KCNU1: variants seen among roughly 807,000 people sequenced by gnomAD.
KCNU1 encodes the protein potassium calcium-activated channel subfamily U member 1, also known as potassium channel subfamily U member 1.
A neutral mutation model predicts 126.8 loss-of-function variants in KCNU1; 93 were observed. The observed-to-expected ratio is 0.73, with a 90% CI of 0.62 to 0.87. The LOEUF (loss-of-function observed/expected upper bound fraction) is 0.87, where lower values mean the gene tolerates loss of function less well. Ranked by LOEUF, KCNU1 falls within the 40% of genes least tolerant of loss-of-function variation. The pLI is 0.00. For missense variants in KCNU1, 1,330 were observed against 1,367.1 expected (o/e 0.97, Z 0.43); for synonymous variants, 523 against 494.2 (o/e 1.06, Z -0.77).
intron 18 of KCNU1, among the ~76,000 whole-genome samples, chr8:36,861,399 C>G (rs1464089483): frequency 6.6e-6 from 1 of 152,126 alleles, no homozygotes; most frequent in Admixed American, 6.5e-5. Flanking sequence ...CTTGGTCTCC[C>G]TGGCTCTGGT....
intron 7 of KCNU1, among the ~76,000 whole-genome samples, chr8:36,809,294 A>C (rs1803622125): frequency 6.6e-6 from 1 of 152,142 alleles, no homozygotes; most frequent in Non-Finnish European, 1.5e-5. Context: ...CCACATAATG[A>C]GAAATCTAGG....
intron 14 of KCNU1, among the ~76,000 whole-genome samples, chr8:36,837,938 A>G (rs1804814533): frequency 6.6e-6 from 1 of 152,076 alleles, no homozygotes; most frequent in African/African-American, 2.4e-5. Flanking sequence ...GTTCAGTACA[A>G]ATATTTGCAT....
At chr8:36,892,272 G>A (rs927927570) in intron 19 of KCNU1, among the ~76,000 whole-genome samples, 4 of 151,942 alleles carry the variant, frequency 2.6e-5, no homozygotes, top group Non-Finnish European at 5.9e-5. Flanking sequence ...TTTCTTTTCA[G>A]TTATTGTACT....
chr8:36,834,760 G>A, intron 11 of KCNU1, 26 bp from the exon 12 acceptor site: 5 of 1,484,410 alleles, frequency 3.4e-6, no homozygotes, highest in Non-Finnish European at 4.7e-6. Flanking sequence ...TTAACAAGAT[G>A]GCTCCTGTCC....
At chr8:36,868,374 T>C (rs1402977303) in intron 19 of KCNU1, among the ~76,000 whole-genome samples, 1 of 152,116 alleles carries the variant, frequency 6.6e-6, no homozygotes, top group African/African-American at 2.4e-5. Context: ...GTAGGCATTT[T>C]TGGAAAAAAA....
At chr8:36,814,803 G>A (rs1286328501) in intron 8 of KCNU1, among the ~76,000 whole-genome samples, 1 of 152,108 alleles carries the variant, frequency 6.6e-6, no homozygotes, top group Non-Finnish European at 1.5e-5. Context: ...GAACATCTGT[G>A]CCTGGCTTAC....
At chr8:36,851,758 G>T (rs1280905784) in intron 18 of KCNU1, among the ~76,000 whole-genome samples, 1 of 151,882 alleles carries the variant, frequency 6.6e-6, no homozygotes, top group Non-Finnish European at 1.5e-5. Flanking sequence ...TTTTTAGATG[G>T]TTCATTTGTA....
intron 19 of KCNU1, among the ~76,000 whole-genome samples, chr8:36,890,294 TAATAGTAA>T (rs1309119809): frequency 6.6e-6 from 1 of 152,040 alleles, no homozygotes; most frequent in Non-Finnish European, 1.5e-5. Flanking sequence ...TTTAAGGTAT[TAATAGTAA>T]AATTGTATGA....
intron 14 of KCNU1, among the ~76,000 whole-genome samples, chr8:36,837,633 C>T (rs1804799713): frequency 6.6e-6 from 1 of 152,192 alleles, no homozygotes; most frequent in Non-Finnish European, 1.5e-5. Context: ...TATTTCCACA[C>T]AATGTCTCAC....
At chr8:36,803,037 T>C (rs1803368454) in intron 2 of KCNU1, among the ~76,000 whole-genome samples, 1 of 152,182 alleles carries the variant, frequency 6.6e-6, no homozygotes, top group Non-Finnish European at 1.5e-5. Context: ...GTGAGCATCA[T>C]GATCTAACAC....
chr8:36,911,086 G>C lies in KCNU1; in HGVS notation c.2488G>C (p.Asp830His), dbSNP rs1807854838. 1.2e-6 allele frequency: 2 copies of C among 1,613,434 alleles called. No homozygotes were observed. The highest frequency in any genetic ancestry group is 1.7e-6 in the Non-Finnish European group (2 of 1,179,702). The part of the protein sequence containing the change: ...ATLTIGSLQI[D>H]SSSDPSPSVS... ...CCTCACCATCGGATCCTTGCAAATT[G>C]ACTCCTCCTCTGACCCGTCACCCTC... Residue 830 changes from aspartate (D) to histidine (H), a missense_variant, in exon 22 of 27, where the codon GAC becomes CAC. Asp to His is a moderately conservative substitution (Grantham distance 81, BLOSUM62 -1). Transcript: ENST00000399881.
intron 16 of KCNU1, among the ~76,000 whole-genome samples, chr8:36,841,822 C>T (rs1428475838): frequency 1.3e-5 from 2 of 151,956 alleles, no homozygotes; most frequent in Admixed American, 6.6e-5. Context: ...ATCAGCATTT[C>T]CCAAAAACCC....
In KCNU1 at chr8:36,934,899, T is replaced by C. The variant is rs572503933; in HGVS notation, c.3045-616T>C. 1.5e-4 allele frequency among the ~76,000 whole-genome samples: 23 copies of C among 152,280 alleles called. 3 individuals are homozygous for C. In the South Asian group the frequency reaches 4.1e-3, roughly 27 times the overall value. ...GTTCTGGATATTCTTTAGGGTTCAT[T>C]AACGTTCACTATTTGCTTGCCAGTC... is the stretch of plus-strand genomic sequence containing the variant. On this transcript the variant is annotated intron_variant, in intron 26 of 26. Coordinates refer to ENST00000399881, the MANE Select transcript of KCNU1 (RefSeq NM_001031836.3).
intron 18 of KCNU1, among the ~76,000 whole-genome samples, 193 bp downstream of exon 18, chr8:36,846,092 G>T (rs1365659919): frequency 6.6e-6 from 1 of 152,190 alleles, no homozygotes; most frequent in East Asian, 1.9e-4. Context: ...ACTAGTTATC[G>T]AATTCAGTTC....
intron 18 of KCNU1, among the ~76,000 whole-genome samples, chr8:36,857,383 G>A (rs1805564144): frequency 6.6e-6 from 1 of 152,262 alleles, no homozygotes; most frequent in South Asian, 2.1e-4. Flanking sequence ...AAATACTGAG[G>A]CTGTGTCCCT....
chr8:36,888,878 T>C (rs1240337940), intron 19 of KCNU1: 1 of 432,550 alleles, frequency 2.3e-6, no homozygotes. Flanking sequence ...AACTACTAGT[T>C]CCATTTTTTT....
rs558007419 is a variant in KCNU1, at chr8:36,929,519, T to TA, written c.2737-1426dup. On this transcript the variant is annotated intron_variant, in intron 24 of 26. Coordinates refer to ENST00000399881, the MANE Select transcript of KCNU1 (RefSeq NM_001031836.3). ...TGTGTTTCATACAAGCAACTAACTG[T>TA]AAAAAACTGTAAAATATAGAAGAAT... Among the ~76,000 whole-genome samples, 28 of 151,620 alleles carry TA rather than the reference T, an allele frequency of 1.8e-4. No individual in the cohort carries two copies. The East Asian group carries it at 5.4e-3, about 29-fold the overall frequency.
At chr8:36,871,912 G>GGTCATATATAAAA (rs1402731537) in intron 19 of KCNU1, among the ~76,000 whole-genome samples, 1 of 151,874 alleles carries the variant, frequency 6.6e-6, no homozygotes, top group East Asian at 1.9e-4. Context: ...GTCTGTTTAG[G>GGTCATATATAAAA]GTCATATATA....
At chr8:36,898,685 A>G (rs1023284519) in intron 19 of KCNU1, among the ~76,000 whole-genome samples, 1 of 152,128 alleles carries the variant, frequency 6.6e-6, no homozygotes, top group Non-Finnish European at 1.5e-5. Context: ...CTTGTCCAAT[A>G]CACAAAGAAA....
Sources: gnomAD v4.1 joint callset for allele counts (sites outside exome capture counted in the v4.1 genomes callset) on GRCh38, gnomAD v4.1.1 for gene constraint, MANE v1.5 for transcripts, NCBI Gene and HGNC (gene_info 2026-07-23, HGNC 2026-07-21) for gene names.